ATP2A1: variants seen among roughly 807,000 people sequenced by gnomAD.
ATP2A1 encodes the protein ATPase sarcoplasmic/endoplasmic reticulum Ca2+ transporting 1, also known as sarcoplasmic/endoplasmic reticulum calcium ATPase 1.
A neutral mutation model predicts 109.5 loss-of-function variants in ATP2A1; 83 were observed. The ratio of observed to expected loss-of-function variants is 0.76; its 90% CI spans 0.63 to 0.91. The LOEUF (loss-of-function observed/expected upper bound fraction) is 0.91. ATP2A1 is among the 40% of genes least tolerant of loss of function. The pLI is 0.00. For synonymous variants in ATP2A1, 505 were observed against 537.6 expected (o/e 0.94, Z 0.84); for missense variants, 1,101 against 1,341.0 (o/e 0.82, Z 2.80).
In ATP2A1 at chr16:28,880,763, G is replaced by A. The variant is rs1000279807; in HGVS notation, c.220-152G>A. On this transcript the variant is annotated intron_variant, in intron 3 of 22. Transcript: ENST00000395503. This position sits in a 1 kb window ranked among gnomAD's most constrained non-coding sequence, Gnocchi z 4.2. The stretch of plus-strand genomic sequence containing the variant: ...GCAGTGGATGGACAGACCCTCAGAC[G>A]GATGTGGGGCCACAGCGCCCCGACG... 5 of 747,904 alleles carry A rather than the reference G, an allele frequency of 6.7e-6. No homozygotes were observed. Among genetic ancestry groups the A allele is most frequent in the African/African-American group, 5.2e-5 (3 of 58,112 alleles). The allele number at this position is 747,904 out of a possible 1,614,324, so 46.3% of individuals were successfully genotyped here. A position where few individuals can be genotyped will look rare whatever the true frequency, so the allele number is the denominator to read the frequency against.
Position 28,883,975 on chromosome 16 carries a change from C to T in ATP2A1, c.464-600C>T, listed in dbSNP as rs1246198702. Among the ~76,000 whole-genome samples, 1 of 152,136 alleles carries T rather than the reference C, an allele frequency of 6.6e-6. No homozygotes were observed. Among genetic ancestry groups the T allele is most frequent in the African/African-American group, 2.4e-5 (1 of 41,426 alleles). ...TGCCCACTCATACCTTCCGCTCACT[C>T]CTCTCCTGCCTTGCCCTCCACTGTT... is the stretch of plus-strand genomic sequence containing the variant. On this transcript the variant is annotated intron_variant, in intron 5 of 22. Transcript: ENST00000395503. The surrounding 1 kb of genome is among the most constrained non-coding windows in gnomAD (Gnocchi z 5.2).
Position 28,880,726 on chromosome 16 carries a change from G to GT in ATP2A1, c.220-188dup, listed in dbSNP as rs1043188967. On this transcript the variant is annotated intron_variant, in intron 3 of 22. Coordinates refer to ENST00000395503, the MANE Select transcript of ATP2A1 (RefSeq NM_004320.6). This position sits in a 1 kb window ranked among gnomAD's most constrained non-coding sequence, Gnocchi z 4.2. Reference sequence around the variant, plus strand: ...CGCGCCCATCCCGCTGAGTAAGGCGGTGGCAGGACCTGCAGTGGATGGACA... The same window carrying GT: ...CGCGCCCATCCCGCTGAGTAAGGCGGTTGGCAGGACCTGCAGTGGATGGACA... Among the ~76,000 whole-genome samples, 2 of 152,252 alleles carry GT rather than the reference G, an allele frequency of 1.3e-5. No homozygotes were observed. The highest frequency in any genetic ancestry group is 2.4e-5 in the African/African-American group (1 of 41,466).
intron 12 of ATP2A1, 97 bp from the exon 13 acceptor site, chr16:28,897,903 G>T: frequency 1.4e-6 from 2 of 1,467,896 alleles, no homozygotes; most frequent in Non-Finnish European, 1.9e-6. Flanking sequence ...ACCAGACTTA[G>T]TGTTAGTCTC....
At chr16:28,899,658 C>T (rs993275069) in intron 14 of ATP2A1, among the ~76,000 whole-genome samples, 1 of 95,454 alleles carries the variant, frequency 1.0e-5, no homozygotes, top group East Asian at 3.8e-4. Flanking sequence ...CCCCCCCCCC[C>T]CCGAAAAAGA....
rs111836584 is a variant in ATP2A1 at position 28,903,742 on chromosome 16, G to T, written c.*37+1G>T. On this transcript the variant is annotated splice_donor_variant, in intron 22 of 22. Transcript: ENST00000395503. LOFTEE classifies it low-confidence loss of function (3UTR_SPLICE). This position sits in a 1 kb window ranked among gnomAD's most constrained non-coding sequence, Gnocchi z 5.6. ...CTCCATCTCTGAGCCCGTGTCACAG[G>T]TATCACCCCCTTCTTGCCCTCAGCC... 6.2e-7 allele frequency: 1 copy of T among 1,613,562 alleles called. No homozygotes were observed. The highest frequency in any genetic ancestry group is 1.7e-5 in the Admixed American group (1 of 59,994).
intron 1 of ATP2A1, 30 bp downstream of exon 1, chr16:28,878,819 A>G (rs765465333): frequency 6.2e-7 from 1 of 1,603,566 alleles, no homozygotes; most frequent in Non-Finnish European, 8.5e-7. Flanking sequence ...GCGGCTGGTA[A>G]TTAATGCCCT....
chr16:28,879,524 A>G lies in ATP2A1; in HGVS notation c.160A>G (p.Ile54Val), dbSNP rs776599039. The G allele has an allele frequency of 2.5e-6, 4 of 1,614,062 alleles. No homozygotes were observed. Among genetic ancestry groups the G allele is most frequent in the Non-Finnish European group, 3.4e-6 (4 of 1,179,988 alleles). ...AGGGAAGACCCTGTGGGAGCTGGTG[A>G]TAGAGCAGTTTGAAGACCTCCTGGT... ...EEGKTLWELV[I>V]EQFEDLLVRI... is the part of the protein sequence containing the mutation. The change falls in exon 3 of 23, where the codon ATA becomes GTA. Residue 54 changes from isoleucine (I) to valine (V), a missense_variant. Coordinates refer to ENST00000395503, the MANE Select transcript of ATP2A1 (RefSeq NM_004320.6).
At chr16:28,881,849 T>A (rs1306589693) in intron 4 of ATP2A1, among the ~76,000 whole-genome samples, 1 of 151,972 alleles carries the variant, frequency 6.6e-6, no homozygotes, top group Admixed American at 6.6e-5. Flanking sequence ...GCCCCAGTGT[T>A]ACAGGCGCAG....
chr16:28,887,990 A>G lies in ATP2A1; in HGVS notation c.928+268A>G, dbSNP rs557519711. ...TAATTTTTTTATATTTTTAGTAGAT[A>G]CGGGGTTTCACCGTGTTAGCCAGGA... On this transcript the variant is annotated intron_variant, in intron 8 of 22. Coordinates refer to ENST00000395503, the MANE Select transcript of ATP2A1 (RefSeq NM_004320.6). Among the ~76,000 whole-genome samples the G allele has an allele frequency of 8.0e-4, 120 of 149,280 alleles. 1 individual carries two copies. Among genetic ancestry groups the G allele is most frequent in the African/African-American group, 2.9e-3 (115 of 40,300 alleles).
Position 28,903,415 on chromosome 16 carries a change from G to C in ATP2A1, c.2955G>C (p.Lys985Asn). 6.2e-7 allele frequency: 1 copy of C among 1,613,936 alleles called. No individual in the cohort carries two copies. The highest frequency in any genetic ancestry group is 8.5e-7 in the Non-Finnish European group (1 of 1,179,912). The change falls in exon 21 of 23, where the codon AAG (lysine) becomes AAC (asparagine). Residue 985 changes from lysine to asparagine, a missense_variant. Coordinates refer to ENST00000395503, the MANE Select transcript of ATP2A1 (RefSeq NM_004320.6). The surrounding 1 kb of genome is among the most constrained non-coding windows in gnomAD (Gnocchi z 5.6). ...TCATTGGGCTCGACGAAATCCTCAA[G>C]TTCGTTGCTCGGAACTACCTAGAGG... ...LPVIGLDEIL[K>N]FVARNYLEG
intron 3 of ATP2A1, chr16:28,879,911 C>CG (rs11350407): frequency 0.019 from 14,931 of 802,820 alleles, 965 homozygotes; most frequent in African/African-American, 0.17. Context: ...GGCTGCGGCG[C>CG]GGGGGGCCAC....
intron 8 of ATP2A1, among the ~76,000 whole-genome samples, chr16:28,888,217 G>A (rs1343741485): frequency 6.6e-6 from 1 of 151,834 alleles, no homozygotes; most frequent in Non-Finnish European, 1.5e-5. Flanking sequence ...GTTTTCAGTA[G>A]AGATGGGGTT....
Position 28,887,621 on chromosome 16 carries a change from T to C in ATP2A1, c.827T>C (p.Ile276Thr), listed in dbSNP as rs1202372628. 1.2e-6 allele frequency: 2 copies of C among 1,614,146 alleles called. No homozygotes were observed. The highest frequency in any genetic ancestry group is 1.7e-6 in the Non-Finnish European group (2 of 1,180,024). Residue 276 changes from isoleucine to threonine, a missense_variant, in exon 8 of 23, where the codon ATT (isoleucine) becomes ACT (threonine). Coordinates refer to ENST00000395503, the MANE Select transcript of ATP2A1 (RefSeq NM_004320.6). ...LICVAVWLIN[I>T]GHFNDPVHGG... is the part of the protein sequence containing the mutation. ...TGTGTGGCTGTCTGGCTTATCAACA[T>C]TGGCCACTTCAACGACCCCGTCCAT...
chr16:28,879,842 A>G (rs1002218249), intron 3 of ATP2A1: 1 of 587,656 alleles, frequency 1.7e-6, no homozygotes, highest in Non-Finnish European at 2.7e-6. Flanking sequence ...CGGCTTCAAG[A>G]GCTTGGAGAG....
In ATP2A1 at chr16:28,878,641, C is replaced by G. The variant is rs1596657942; in HGVS notation, c.-31C>G. The G allele has an allele frequency of 6.4e-7, 1 of 1,560,578 alleles. No individual in the cohort carries two copies. The highest frequency in any genetic ancestry group is 2.3e-5 in the East Asian group (1 of 42,772). ...GAGTGGGAACCCCCTGGAAGGAACA[C>G]ACCGGCCCCGGCCCCCAGGAAGGGA... On this transcript the variant is annotated 5_prime_UTR_variant, in exon 1 of 23. Coordinates refer to ENST00000395503, the MANE Select transcript of ATP2A1 (RefSeq NM_004320.6).
rs1262558223 is a variant in ATP2A1 at position 28,902,859 on chromosome 16, A to T, written c.2692A>T (p.Thr898Ser). 2 of 1,613,804 alleles carry T rather than the reference A, an allele frequency of 1.2e-6. No individual in the cohort carries two copies. The highest frequency in any genetic ancestry group is 1.7e-5 in the Admixed American group (1 of 59,968). Residue 898 changes from threonine to serine, a missense_variant, in exon 19 of 23, where the codon ACC (threonine) becomes TCC (serine). Thr to Ser is a moderately conservative substitution (Grantham distance 58). Transcript: ENST00000395503. The surrounding 1 kb of genome is among the most constrained non-coding windows in gnomAD (Gnocchi z 4.8). ...CEVFEAPEPM[T>S]MALSVLVTIE... Reference sequence around the variant, plus strand: ...GGTCTTCGAGGCCCCCGAGCCCATGACCATGGCCCTGTCCGTGCTGGTGAC... The same window carrying T: ...GGTCTTCGAGGCCCCCGAGCCCATGTCCATGGCCCTGTCCGTGCTGGTGAC...
rs11642449 is a variant in ATP2A1 at position 28,884,694 on chromosome 16, C to T, written c.544+39C>T. ...GGTGGGAAGATGCATGGGGGTGGGA[C>T]GTGGGGAGGAAGAGGCAACAAGGGG... On this transcript the variant is annotated intron_variant, in intron 6 of 22. Transcript: ENST00000395503. The T allele has an allele frequency of 0.33, 522,844 of 1,562,636 alleles. 91,530 individuals carry two copies. Among genetic ancestry groups the T allele is most frequent in the Admixed American group, 0.45 (26,487 of 58,554 alleles).
chr16:28,892,735 G>C (rs754702164), intron 9 of ATP2A1: 6 of 152,200 alleles, frequency 3.9e-5, no homozygotes, highest in Non-Finnish European at 8.8e-5. Context: ...CCACAGGCTC[G>C]TGTGACTTGG....
intron 2 of ATP2A1, 179 bp downstream of exon 2, chr16:28,879,295 T>A: frequency 1.1e-6 from 1 of 915,420 alleles, no homozygotes. Flanking sequence ...GCTTTCTCCT[T>A]GAAGCAGCCA....
Sources: gnomAD v4.1 joint callset for allele counts (sites outside exome capture counted in the v4.1 genomes callset) on GRCh38, gnomAD v4.1.1 for gene constraint, Gnocchi (gnomAD v3.1) non-coding constraint, MANE v1.5 for transcripts, NCBI Gene and HGNC (gene_info 2026-07-23, HGNC 2026-07-21) for gene names.